Variants in SLC30A8 observed in about 807,000 individuals in gnomAD.
SLC30A8 encodes the protein proton-coupled zinc antiporter SLC30A8.
A neutral mutation model predicts 36.9 loss-of-function variants in SLC30A8; 27 were observed. The ratio of observed to expected loss-of-function variants is 0.73; its 90% CI spans 0.54 to 1.01. The LOEUF is 1.01. SLC30A8 is among the 50% of genes least tolerant of loss of function. The pLI is 0.00. For missense variants in SLC30A8, 439 were observed against 452.0 expected (o/e 0.97, Z 0.26); for synonymous variants, 164 against 172.4 (o/e 0.95, Z 0.38).
chr8:116,983,265 A>G (rs1343392867), intron 1 of SLC30A8, among the ~76,000 whole-genome samples: 1 of 152,120 alleles, frequency 6.6e-6, no homozygotes, highest in Non-Finnish European at 1.5e-5. Context: ...CTGAGATATA[A>G]TTTTGCATAT....
chr8:116,953,402 T>C (rs1814069077), intron 1 of SLC30A8, among the ~76,000 whole-genome samples: 1 of 152,238 alleles, frequency 6.6e-6, no homozygotes, highest in Non-Finnish European at 1.5e-5. Flanking sequence ...CTATTTATAA[T>C]TTTAATTATT....
At chr8:116,985,779 C>T (rs889867443) in intron 1 of SLC30A8, among the ~76,000 whole-genome samples, 1 of 152,056 alleles carries the variant, frequency 6.6e-6, no homozygotes, top group Non-Finnish European at 1.5e-5. Flanking sequence ...TATTTTCTGC[C>T]TATCTGAGAA....
rs1221875557 is a variant in SLC30A8, at chr8:116,973,573, T to C, written c.-266+22454T>C. Among the ~76,000 whole-genome samples, 3 of 152,310 alleles carry C rather than the reference T, an allele frequency of 2.0e-5. No individual in the cohort carries two copies. The East Asian group carries it at 5.8e-4, about 29-fold the overall frequency. ...CAAATGGAAGAACATTCCATGCTCA[T>C]GGGTAGGAAGAATCAATATTGTGAA... On this transcript the variant is annotated intron_variant, in intron 1 of 10. Coordinates refer to the SLC30A8 transcript ENST00000427715.
intron 1 of SLC30A8, among the ~76,000 whole-genome samples, chr8:116,994,357 G>A (rs1470178297): frequency 6.6e-6 from 1 of 152,048 alleles, no homozygotes; most frequent in Non-Finnish European, 1.5e-5. Context: ...ATGCACAAGT[G>A]TTCATAGTAT....
intron 2 of SLC30A8, among the ~76,000 whole-genome samples, chr8:117,047,280 G>A (rs574698097): frequency 4.6e-5 from 7 of 152,228 alleles, no homozygotes; most frequent in African/African-American, 1.7e-4. Flanking sequence ...CCTTGTCTTT[G>A]TTTTGTACAT....
chr8:116,960,172 CA>C (rs1394628224), intron 1 of SLC30A8, among the ~76,000 whole-genome samples: 2 of 152,150 alleles, frequency 1.3e-5, no homozygotes, highest in African/African-American at 4.8e-5. Flanking sequence ...TTGTTTGTTT[CA>C]GGTGGGAAAA....
intron 7 of SLC30A8, among the ~76,000 whole-genome samples, chr8:117,172,097 A>G (rs1414910365): frequency 6.6e-6 from 1 of 152,098 alleles, no homozygotes; most frequent in Non-Finnish European, 1.5e-5. Flanking sequence ...TGCTGCTCTA[A>G]GAAAGGTCTG....
intron 2 of SLC30A8, among the ~76,000 whole-genome samples, chr8:117,096,196 A>G (rs1819354531): frequency 1.3e-5 from 2 of 152,022 alleles, no homozygotes; most frequent in African/African-American, 4.8e-5. Flanking sequence ...AAGAAGGAGA[A>G]CTCGTTTTCT....
intron 2 of SLC30A8, among the ~76,000 whole-genome samples, chr8:117,057,925 C>A (rs1817920328): frequency 6.6e-6 from 1 of 152,160 alleles, no homozygotes; most frequent in African/African-American, 2.4e-5. Context: ...ATTGCTAGAT[C>A]ATATGATAGT....
intron 1 of SLC30A8, among the ~76,000 whole-genome samples, chr8:116,960,478 A>T (rs1481177290): frequency 6.6e-6 from 1 of 152,202 alleles, no homozygotes; most frequent in African/African-American, 2.4e-5. Flanking sequence ...AACTTGTCTC[A>T]CTTCTTTCAT....
intron 1 of SLC30A8, among the ~76,000 whole-genome samples, chr8:117,145,165 G>A (rs1366067695): frequency 6.6e-6 from 1 of 152,062 alleles, no homozygotes; most frequent in Non-Finnish European, 1.5e-5. Flanking sequence ...GTTTTCAGTT[G>A]CAGAACCAAT....
chr8:117,134,121 A>G (rs1309655273), upstream of SLC30A8, among the ~76,000 whole-genome samples: 1 of 151,834 alleles, frequency 6.6e-6, no homozygotes, highest in Non-Finnish European at 1.5e-5. Context: ...TTAGAGCACA[A>G]TATTCATTTT....
chr8:116,986,135 A>G (rs1464180675), intron 1 of SLC30A8, among the ~76,000 whole-genome samples: 1 of 152,202 alleles, frequency 6.6e-6, no homozygotes, highest in Non-Finnish European at 1.5e-5. Context: ...TGAATGAGGG[A>G]AGATTCTTTG....
At chr8:117,149,605 T>C (rs1333999938) in intron 2 of SLC30A8, among the ~76,000 whole-genome samples, 5 of 152,030 alleles carry the variant, frequency 3.3e-5, no homozygotes, top group African/African-American at 1.2e-4. Flanking sequence ...TGCGTGAGGG[T>C]GGTCATAATG....
At chr8:117,010,504 T>C (rs1468914602) in intron 1 of SLC30A8, among the ~76,000 whole-genome samples, 2 of 152,356 alleles carry the variant, frequency 1.3e-5, no homozygotes, top group African/African-American at 4.8e-5. Context: ...GCCTAGAATT[T>C]AGGCAACGGT....
At chr8:116,990,696 A>C (rs548264796) in intron 1 of SLC30A8, among the ~76,000 whole-genome samples, 1 of 152,290 alleles carries the variant, frequency 6.6e-6, no homozygotes, top group South Asian at 2.1e-4. Context: ...TAAAGTCTGA[A>C]ATTGAGTTAA....
At chr8:117,088,679 A>C (rs1363067050) in intron 2 of SLC30A8, among the ~76,000 whole-genome samples, 4 of 152,232 alleles carry the variant, frequency 2.6e-5, no homozygotes, top group Non-Finnish European at 5.9e-5. Context: ...AATTATGCTT[A>C]AGTAAACCCC....
intron 2 of SLC30A8, among the ~76,000 whole-genome samples, chr8:117,089,645 A>G (rs1332583332): frequency 6.6e-6 from 1 of 152,164 alleles, no homozygotes; most frequent in African/African-American, 2.4e-5. Context: ...CTGTATTCAT[A>G]TACTAGCTGT....
chr8:117,070,985 T>G (rs1019880588), intron 2 of SLC30A8, among the ~76,000 whole-genome samples: 1 of 152,230 alleles, frequency 6.6e-6, no homozygotes, highest in African/African-American at 2.4e-5. Context: ...TTGGCTACTG[T>G]GAATAATGCT....
Sources: gnomAD v4.1 joint callset for allele counts (sites outside exome capture counted in the v4.1 genomes callset) on GRCh38, gnomAD v4.1.1 for gene constraint, MANE v1.5 for transcripts, NCBI Gene and HGNC (gene_info 2026-07-23, HGNC 2026-07-21) for gene names.